The following XPO5 variants were observed in gnomAD, a reference collection of about 807,000 sequenced individuals.
XPO5 encodes the protein exportin 5.
Under a neutral mutation model 160.6 loss-of-function variants are expected in XPO5, and 46 were observed. That is an observed-to-expected ratio of 0.29 (90% CI 0.23 to 0.37). The LOEUF is 0.37. Ranked by LOEUF, XPO5 falls within the 10% of genes least tolerant of loss-of-function variation. The probability of loss-of-function intolerance (pLI) is 1.00; values close to 1 mark genes in which losing one functional copy is unlikely to be tolerated. For missense variants in XPO5, 1,090 were observed against 1,463.9 expected, an observed-to-expected ratio of 0.74 and a Z score of 4.17; for synonymous variants, 537 against 519.3, an observed-to-expected ratio of 1.03 and a Z score of -0.46.
intron 12 of XPO5, among the ~76,000 whole-genome samples, chr6:43,557,870 C>T (rs1762186774): frequency 6.7e-6 from 1 of 148,982 alleles, no homozygotes; most frequent in Admixed American, 6.7e-5. Context: ...CTGAGGCGGG[C>T]AGATGACCTG....
rs750405741 is a variant in XPO5, at chr6:43,551,310, C to T, written c.1716G>A (p.Gln572=). The change falls in exon 15 of 32, where the codon CAG becomes CAA. Residue 572 remains glutamine (Q), a synonymous_variant. Coordinates refer to ENST00000265351, the MANE Select transcript of XPO5 (RefSeq NM_020750.3). ...FVTYRPEFLP[Q]VFSKLFSSVT... The stretch of plus-strand genomic sequence containing the variant: ...ATGGGCTTTATACCTTAGAGAAGAC[C>T]TGGGGCAGGAACTCTGGTCTGTAGG... The T allele has an allele frequency of 6.2e-7, 1 of 1,611,720 alleles. No individual in the cohort carries two copies. The highest frequency in any genetic ancestry group is 1.3e-5 in the African/African-American group (1 of 74,784).
intron 17 of XPO5, 143 bp downstream of exon 17, chr6:43,549,346 G>A: frequency 3.9e-6 from 3 of 761,768 alleles, no homozygotes; most frequent in Non-Finnish European, 6.0e-6. Flanking sequence ...TTACAGGTGT[G>A]AGCCACCATG....
Position 43,544,549 on chromosome 6 carries a change from G to A in XPO5, c.2342+2022C>T, listed in dbSNP as rs543854509. 2.0e-4 allele frequency among the ~76,000 whole-genome samples: 31 copies of A among 152,282 alleles called. No homozygotes were observed. The East Asian group carries it at 5.6e-3, about 27-fold the overall frequency. ...AGATTCTGGCCACAGGCCTAAAAAG[G>A]TCTAGGTGATTAGCTTCTTGCCCTA... On this transcript the variant is annotated intron_variant, in intron 20 of 31. Transcript: ENST00000265351.
At chr6:43,526,973 T>C (rs1582194344) in intron 26 of XPO5, 1 of 537,076 alleles carries the variant, frequency 1.9e-6, no homozygotes, top group Admixed American at 3.0e-5. Flanking sequence ...AATTACAGAA[T>C]TCTCTGAGAG....
rs978151477 is a variant in XPO5, at chr6:43,523,515, C to A, written c.*353G>T. 1.4e-5 allele frequency: 6 copies of A among 431,670 alleles called. No individual in the cohort carries two copies. The highest frequency in any genetic ancestry group is 9.2e-5 in the Admixed American group (3 of 32,526). The allele number at this position is 431,670 out of a possible 1,614,324, so 26.7% of individuals were successfully genotyped here. On this transcript the variant is annotated 3_prime_UTR_variant, in exon 32 of 32. Transcript: ENST00000265351. ...GCTAGTCGCAGGGTTGGGCACAGCA[C>A]CCTTAGTTACCATTCTGTACAGGTA...
chr6:43,562,820 T>A (rs1346107435), intron 8 of XPO5, among the ~76,000 whole-genome samples: 1 of 152,214 alleles, frequency 6.6e-6, no homozygotes, highest in Non-Finnish European at 1.5e-5. Context: ...AGTGTCATGA[T>A]GTCTATGGAA....
chr6:43,531,852 ATTTT>A (rs1294210569), intron 21 of XPO5, among the ~76,000 whole-genome samples: 1 of 152,016 alleles, frequency 6.6e-6, no homozygotes, highest in Non-Finnish European at 1.5e-5. Flanking sequence ...ACTCAAAAGT[ATTTT>A]TCCATAAAGC....
intron 21 of XPO5, among the ~76,000 whole-genome samples, chr6:43,532,162 A>T (rs934291365): frequency 1.3e-5 from 2 of 152,124 alleles, no homozygotes; most frequent in African/African-American, 4.8e-5. Context: ...GGTAAGCAAC[A>T]CCTACTTTTT....
Position 43,562,254 on chromosome 6 carries a change from G to C in XPO5, c.1004C>G (p.Ala335Gly), listed in dbSNP as rs755890536. 1 of 1,605,208 alleles carries C rather than the reference G, an allele frequency of 6.2e-7. No individual in the cohort carries two copies. The highest frequency in any genetic ancestry group is 8.5e-7 in the Non-Finnish European group (1 of 1,176,002). Residue 335 changes from alanine (A) to glycine (G), a missense_variant, in exon 9 of 32, where the codon GCA (alanine) becomes GGA (glycine). Ala to Gly is a moderately conservative substitution (Grantham distance 60). Coordinates refer to ENST00000265351, the MANE Select transcript of XPO5 (RefSeq NM_020750.3). ...VLCALGNQLC[A>G]LLGADSDVET... Reference sequence around the variant, plus strand: ...AAGCAAACACTAGCTCACCAGCAATGCACACAGCTGATTGCCCAGCGCACA... The same window carrying C: ...AAGCAAACACTAGCTCACCAGCAATCCACACAGCTGATTGCCCAGCGCACA...
intron 9 of XPO5, among the ~76,000 whole-genome samples, chr6:43,561,220 AATC>A (rs1337373502): frequency 2.4e-4 from 36 of 152,250 alleles, no homozygotes; most frequent in African/African-American, 8.7e-4. Flanking sequence ...TTGCCTACTC[AATC>A]ATCATCATTA....
At chr6:43,552,088 T>C (rs1026604384) in intron 14 of XPO5, among the ~76,000 whole-genome samples, 1 of 152,202 alleles carries the variant, frequency 6.6e-6, no homozygotes, top group African/African-American at 2.4e-5. Context: ...ACTTTATTTA[T>C]ATATCACTCT....
Position 43,548,375 on chromosome 6 carries a change from A to G in XPO5, c.1946T>C (p.Met649Thr). 1 of 1,613,606 alleles carries G rather than the reference A, an allele frequency of 6.2e-7. No homozygotes were observed. ...GTTGCTAATGAGAACCAGGGCTTCCATGAGGGCACACTTCTCCATTTGTGT... is the reference window on the plus strand; with the variant it reads ...GTTGCTAATGAGAACCAGGGCTTCCGTGAGGGCACACTTCTCCATTTGTGT... The part of the protein sequence containing the change: ...LLTQMEKCAL[M>T]EALVLISNQF... The change falls in exon 18 of 32, where the codon ATG becomes ACG. Residue 649 changes from methionine (M) to threonine (T), a missense_variant. Transcript: ENST00000265351.
At chr6:43,543,880 T>A (rs1794836010) in intron 20 of XPO5, among the ~76,000 whole-genome samples, 1 of 152,150 alleles carries the variant, frequency 6.6e-6, no homozygotes, top group Non-Finnish European at 1.5e-5. Context: ...TTTCACCATG[T>A]TTATTGGGCT....
Position 43,525,931 on chromosome 6 carries a change from G to A in XPO5, c.2984-10C>T, listed in dbSNP as rs769758110. On this transcript the variant is annotated splice_polypyrimidine_tract_variant and intron_variant, in intron 27 of 31. Coordinates refer to ENST00000265351, the MANE Select transcript of XPO5 (RefSeq NM_020750.3). ...GCCATCATTTCTTCATCTGTTATCA[G>A]AGAGTAGAATGTTAAGCTCCATCCT... 4 of 1,613,604 alleles carry A rather than the reference G, an allele frequency of 2.5e-6. No individual in the cohort carries two copies. Among genetic ancestry groups the A allele is most frequent in the Non-Finnish European group, 3.4e-6 (4 of 1,179,712 alleles).
chr6:43,547,302 C>A, intron 19 of XPO5: 1 of 442,956 alleles, frequency 2.3e-6, no homozygotes, highest in Non-Finnish European at 4.2e-6. Flanking sequence ...AGAGCAATGG[C>A]AGGGAGGACT....
chr6:43,560,099 G>A (rs1036548607), intron 11 of XPO5, 79 bp downstream of exon 11: 14 of 1,505,838 alleles, frequency 9.3e-6, no homozygotes, highest in African/African-American at 5.5e-5. Flanking sequence ...GATTATAGGC[G>A]TGAGCCACCG....
chr6:43,525,649 T>G, intron 28 of XPO5, 190 bp downstream of exon 28: 1 of 605,856 alleles, frequency 1.7e-6, no homozygotes, highest in South Asian at 2.2e-5. Flanking sequence ...AGCTCCTGCC[T>G]ATGCTGGTAT....
intron 21 of XPO5, chr6:43,533,661 ACT>A: frequency 3.4e-6 from 1 of 296,396 alleles, no homozygotes; most frequent in East Asian, 7.7e-5. Context: ...ACATAGCAAG[ACT>A]CTGTCTCAAC....
chr6:43,551,204 A>G, intron 15 of XPO5, 94 bp downstream of exon 15: 2 of 1,312,472 alleles, frequency 1.5e-6, no homozygotes, highest in Non-Finnish European at 2.0e-6. Context: ...CAGCCTGGGC[A>G]ATGTAGCAAG....
Sources: allele counts gnomAD v4.1 joint callset (sites outside exome capture counted in the v4.1 genomes callset), GRCh38; gene constraint gnomAD v4.1.1; transcripts MANE v1.5; gene names NCBI Gene and HGNC (gene_info 2026-07-23, HGNC 2026-07-21).